SLC38A1: variants seen among roughly 807,000 people sequenced by gnomAD.
SLC38A1 encodes solute carrier family 38 member 1.
Under a neutral mutation model 60.3 loss-of-function variants are expected in SLC38A1, and 18 were observed. The ratio of observed to expected loss-of-function variants is 0.30; its 90% confidence interval spans 0.21 to 0.44. The LOEUF is 0.44. Among genes scored for constraint, SLC38A1 ranks in the 20% least tolerant of loss-of-function variants. The pLI is 1.00. For missense variants in SLC38A1, 448 were observed against 587.2 expected, an observed-to-expected ratio of 0.76 and a Z score of 2.45; for synonymous variants, 196 against 212.1, an observed-to-expected ratio of 0.92 and a Z score of 0.66.
chr12:46,232,673 T>A (rs1471345639), intron 3 of SLC38A1, among the ~76,000 whole-genome samples: 1 of 152,218 alleles, frequency 6.6e-6, no homozygotes, highest in Non-Finnish European at 1.5e-5. Flanking sequence ...GACTGTACAG[T>A]GTCCCTTGGT....
rs149116916 is a variant in SLC38A1, at chr12:46,222,634, T to C, written c.314+6519A>G. On this transcript the variant is annotated intron_variant, in intron 5 of 16. Transcript: ENST00000398637. The stretch of plus-strand genomic sequence containing the variant: ...CTATTTTATGAAAGTACCATGGTTA[T>C]TTAACAAGTTTCCTAGGGTTAAACT... Among the ~76,000 whole-genome samples the C allele has an allele frequency of 2.5e-3, 387 of 152,332 alleles. 1 individual carries two copies. Among genetic ancestry groups the C allele is most frequent in the African/African-American group, 8.9e-3 (370 of 41,582 alleles).
chr12:46,241,491 T>C (rs1348388126), intron 2 of SLC38A1, among the ~76,000 whole-genome samples: 1 of 152,142 alleles, frequency 6.6e-6, no homozygotes, highest in African/African-American at 2.4e-5. Context: ...TTATAACATC[T>C]CAGATTCTAG....
chr12:46,239,005 G>C (rs1941351816), intron 3 of SLC38A1: 1 of 152,176 alleles, frequency 6.6e-6, no homozygotes, highest in South Asian at 2.1e-4. Context: ...ACCATTTCTT[G>C]ATTAAAATAT....
At chr12:46,233,933 C>T (rs1941164846) in intron 3 of SLC38A1, among the ~76,000 whole-genome samples, 1 of 152,204 alleles carries the variant, frequency 6.6e-6, no homozygotes, top group African/African-American at 2.4e-5. Context: ...CCAATCTTAG[C>T]TCCCCCTGCT....
At chr12:46,237,343 T>C (rs911771053) in intron 3 of SLC38A1, among the ~76,000 whole-genome samples, 2 of 152,244 alleles carry the variant, frequency 1.3e-5, no homozygotes, top group Non-Finnish European at 2.9e-5. Context: ...GTAAGCCAGA[T>C]AACCCAGTAG....
intron 13 of SLC38A1, 47 bp from the exon 14 acceptor site, chr12:46,198,790 A>G: frequency 8.8e-7 from 1 of 1,140,160 alleles, no homozygotes; most frequent in Non-Finnish European, 1.3e-6. Context: ...GACAAAGTAT[A>G]TAGCTGAATG....
intron 1 of SLC38A1, among the ~76,000 whole-genome samples, chr12:46,253,221 T>A (rs112983612): frequency 6.6e-6 from 1 of 151,898 alleles, no homozygotes; most frequent in Non-Finnish European, 1.5e-5. Flanking sequence ...AAGAAAGGGG[T>A]CCTGATCTGG....
At position 46,200,654 on chromosome 12, in the gene SLC38A1, C is replaced by T. The variant is rs113788594; in HGVS notation, c.1003+444G>A. On this transcript the variant is annotated intron_variant, in intron 13 of 16. Coordinates refer to ENST00000398637, the MANE Select transcript of SLC38A1 (RefSeq NM_030674.4). ...TGGATCTTTGCAAGGCTTCGACTTC[C>T]AGTGAACAATTAGAAGTTTCATTTT... is the stretch of plus-strand genomic sequence containing the variant. 3.2e-3 allele frequency among the ~76,000 whole-genome samples: 488 copies of T among 152,238 alleles called. 5 individuals carry two copies. The highest frequency in any genetic ancestry group is 0.01 in the African/African-American group (429 of 41,562).
chr12:46,206,581 T>C (rs1939914146), intron 8 of SLC38A1, among the ~76,000 whole-genome samples: 1 of 152,198 alleles, frequency 6.6e-6, no homozygotes, highest in African/African-American at 2.4e-5. Context: ...CCCTGATCCC[T>C]TGGATTTGAC....
Position 46,204,332 on chromosome 12 carries a change from C to T in SLC38A1, c.791G>A (p.Cys264Tyr), listed in dbSNP as rs756088776. ...ISANSTNADT[C>Y]TPKYVTFNSK... ...ATTGAAGGTAACATATTTTGGCGTA[C>T]ACGTGTCAGCATTTGTTGAATTAGC... Residue 264 changes from cysteine (C) to tyrosine (Y), a missense_variant, in exon 11 of 17, where the codon TGT (cysteine) becomes TAT (tyrosine). Cys to Tyr is a radical substitution (Grantham distance 194). Transcript: ENST00000398637. The T allele has an allele frequency of 6.2e-7, 1 of 1,612,720 alleles. No individual in the cohort carries two copies. Among genetic ancestry groups the T allele is most frequent in the South Asian group, 1.1e-5 (1 of 91,044 alleles).
intron 1 of SLC38A1, among the ~76,000 whole-genome samples, chr12:46,259,353 G>C (rs1242667571): frequency 6.6e-6 from 1 of 152,040 alleles, no homozygotes; most frequent in Non-Finnish European, 1.5e-5. Context: ...CCTCAAACAG[G>C]CTAAACAGGT....
chr12:46,230,975 A>G (rs1206575512), intron 3 of SLC38A1, among the ~76,000 whole-genome samples: 3 of 152,346 alleles, frequency 2.0e-5, no homozygotes, highest in Admixed American at 2.0e-4. Context: ...GGAAACTATT[A>G]TATCAAAAAA....
rs1938999996 is a variant in SLC38A1, at chr12:46,188,077, G to A, written c.*893C>T. On this transcript the variant is annotated 3_prime_UTR_variant, in exon 17 of 17. Transcript: ENST00000398637. ...TTTCTCCCTTCAGCAAGACAGGTAG[G>A]GTTGAAGGCTAAATGCATCAGAGGA... 1 of 152,130 alleles carries A rather than the reference G, an allele frequency of 6.6e-6. No homozygotes were observed. Among genetic ancestry groups the A allele is most frequent in the Admixed American group, 6.5e-5 (1 of 15,270 alleles). The allele number at this position is 152,130 out of a possible 1,614,324, so 9.4% of individuals were successfully genotyped here.
chr12:46,198,286 T>A (rs567816521), intron 14 of SLC38A1, among the ~76,000 whole-genome samples: 1 of 152,334 alleles, frequency 6.6e-6, no homozygotes, highest in Admixed American at 6.5e-5. Context: ...GGGGTGTAAT[T>A]TCTGTCTTTG....
chr12:46,211,917 T>C (rs1371081905), intron 5 of SLC38A1, among the ~76,000 whole-genome samples: 1 of 152,240 alleles, frequency 6.6e-6, no homozygotes. Flanking sequence ...AACCCCCTTT[T>C]CTATCAGATC....
rs1304500378 is a variant in SLC38A1 at position 46,234,111 on chromosome 12, ACT to A, written c.123-4474_123-4473del. On this transcript the variant is annotated intron_variant, in intron 3 of 16. Transcript: ENST00000398637. ...CCCTCATCATCCACAAGTCTTCCAC[ACT>A]CTGGTTTGGAATTTTTGGACTGTGA... is the stretch of plus-strand genomic sequence containing the variant. 3.9e-5 allele frequency among the ~76,000 whole-genome samples: 6 copies of A among 152,110 alleles called. No individual in the cohort carries two copies. In the South Asian group the frequency reaches 1.2e-3, roughly 32 times the overall value.
chr12:46,224,977 G>C (rs747745726), intron 5 of SLC38A1, among the ~76,000 whole-genome samples: 30 of 152,296 alleles, frequency 2.0e-4, no homozygotes, highest in Non-Finnish European at 3.8e-4. Flanking sequence ...AGCCAGTATA[G>C]TTAAAAATCA....
chr12:46,219,831 A>T (rs2137600191), intron 5 of SLC38A1, among the ~76,000 whole-genome samples: 1 of 152,344 alleles, frequency 6.6e-6, no homozygotes, highest in East Asian at 1.9e-4. Flanking sequence ...GGCTAAGAAA[A>T]ATACACTGTA....
chr12:46,256,642 G>GAGAGAGAGAGAGAA, intron 1 of SLC38A1, among the ~76,000 whole-genome samples: 1 of 147,980 alleles, frequency 6.8e-6, no homozygotes, highest in Non-Finnish European at 1.5e-5. Context: ...CACACAGAGA[G>GAGAGAGAGAGAGAA]AGAGAGAGAG....
Sources: gnomAD v4.1 joint callset for allele counts (sites outside exome capture counted in the v4.1 genomes callset) on GRCh38, gnomAD v4.1.1 for gene constraint, MANE v1.5 for transcripts, NCBI Gene and HGNC (gene_info 2026-07-23, HGNC 2026-07-21) for gene names.